CDH12: variants seen among roughly 807,000 people sequenced by gnomAD.
The protein encoded by CDH12 is cadherin 12, also known as cadherin-12.
In CDH12, 41 loss-of-function variants were observed where a neutral mutation model predicts 74.1. The ratio of observed to expected loss-of-function variants is 0.55; its 90% CI spans 0.43 to 0.72. The LOEUF is 0.72. CDH12 is among the 30% of genes least tolerant of loss of function. The pLI is 0.00. For synonymous variants in CDH12, 399 were observed against 355.0 expected (o/e 1.12, Z -1.39); for missense variants, 945 against 977.2 (o/e 0.97, Z 0.44).
At chr5:21,924,265 C>T (rs368397154) in intron 6 of CDH12, among the ~76,000 whole-genome samples, 24 of 152,160 alleles carry the variant, frequency 1.6e-4, no homozygotes, top group African/African-American at 4.3e-4. Context: ...CGGTGGTTCA[C>T]GCCTGTAATC....
chr5:22,095,742 C>G (rs753808085), intron 4 of CDH12, among the ~76,000 whole-genome samples: 2 of 151,578 alleles, frequency 1.3e-5, no homozygotes, highest in Non-Finnish European at 2.9e-5. Context: ...TATTTCCACA[C>G]CCCGACCCCT....
At chr5:22,163,125 C>T (rs1748464639) in intron 4 of CDH12, among the ~76,000 whole-genome samples, 1 of 152,038 alleles carries the variant, frequency 6.6e-6, no homozygotes, top group Non-Finnish European at 1.5e-5. Context: ...TCGTGATCCG[C>T]CCACCTCGGC....
intron 3 of CDH12, among the ~76,000 whole-genome samples, chr5:22,222,214 T>C (rs992923261): frequency 6.6e-6 from 1 of 151,946 alleles, no homozygotes; most frequent in African/African-American, 2.4e-5. Flanking sequence ...CAGAAAAAAC[T>C]CTTTGGGGAA....
chr5:22,715,418 T>A (rs558858980), intron 1 of CDH12, among the ~76,000 whole-genome samples: 3 of 152,342 alleles, frequency 2.0e-5, no homozygotes, highest in Non-Finnish European at 4.4e-5. Flanking sequence ...ACTTGCTCAC[T>A]GATTCATCAG....
intron 11 of CDH12, among the ~76,000 whole-genome samples, chr5:21,765,722 G>A (rs1208458074): frequency 2.0e-5 from 3 of 152,060 alleles, no homozygotes; most frequent in Non-Finnish European, 2.9e-5. Context: ...CTACTTCCTA[G>A]TATCAGAAAG....
At position 22,239,600 on chromosome 5, in the gene CDH12, T is replaced by C. The variant is rs575614720; in HGVS notation, c.-332-26957A>G. On this transcript the variant is annotated intron_variant, in intron 3 of 14. Transcript: ENST00000382254. ...CTAAATAGAGGATAGGTGGATAGAT[T>C]AGACAAATAGATGGATAGAGAGACA... Among the ~76,000 whole-genome samples the C allele has an allele frequency of 2.6e-5, 4 of 152,288 alleles. No individual in the cohort carries two copies. The South Asian group carries it at 6.2e-4, about 24-fold the overall frequency.
At chr5:22,032,630 C>CTGACTT (rs1738892784) in intron 5 of CDH12, among the ~76,000 whole-genome samples, 1 of 151,324 alleles carries the variant, frequency 6.6e-6, no homozygotes, top group African/African-American at 2.4e-5. Flanking sequence ...ATTGCATGAA[C>CTGACTT]CCAGAAGGTG....
chr5:22,193,350 C>G lies in CDH12; in HGVS notation c.-187+19148G>C, dbSNP rs867865439. 5.3e-5 allele frequency among the ~76,000 whole-genome samples: 8 copies of G among 152,156 alleles called. No homozygotes were observed. The South Asian group carries it at 1.7e-3, about 32-fold the overall frequency. ...ACATAACTTTGTTAAAACTAGATTT[C>G]GATGTCGTGTTTTTTGAAGCTATGA... On this transcript the variant is annotated intron_variant, in intron 4 of 14. Transcript: ENST00000382254.
chr5:22,052,146 C>T (rs561882114), intron 5 of CDH12, among the ~76,000 whole-genome samples: 27 of 152,164 alleles, frequency 1.8e-4, no homozygotes, highest in Non-Finnish European at 3.5e-4. Context: ...GCCTTCAGCA[C>T]TTTGTCCTGC....
At chr5:22,080,560 G>T (rs1742656133) in intron 4 of CDH12, among the ~76,000 whole-genome samples, 1 of 151,974 alleles carries the variant, frequency 6.6e-6, no homozygotes, top group Non-Finnish European at 1.5e-5. Context: ...AGTTAGATCT[G>T]CCTTGTCCAA....
chr5:21,884,113 G>A, intron 6 of CDH12: 1 of 1,470,720 alleles, frequency 6.8e-7, no homozygotes, highest in Non-Finnish European at 9.5e-7. Flanking sequence ...GCTATGGTTG[G>A]AGATTTTATG....
intron 6 of CDH12, among the ~76,000 whole-genome samples, chr5:21,935,243 T>C (rs2150084875): frequency 6.6e-6 from 1 of 152,274 alleles, no homozygotes; most frequent in Admixed American, 6.5e-5. Flanking sequence ...ATGGGCTAAT[T>C]TTATATATGC....
chr5:22,833,044 T>C (rs1412529897), intron 1 of CDH12, among the ~76,000 whole-genome samples: 3 of 152,196 alleles, frequency 2.0e-5, no homozygotes, highest in African/African-American at 7.2e-5. Flanking sequence ...CAGTGATGAA[T>C]TTAAGTTTTG....
intron 6 of CDH12, among the ~76,000 whole-genome samples, chr5:21,974,720 C>T (rs1756987771): frequency 6.6e-6 from 1 of 152,118 alleles, no homozygotes; most frequent in Non-Finnish European, 1.5e-5. Flanking sequence ...TTACTTTGAT[C>T]TAGGAATTAC....
intron 5 of CDH12, among the ~76,000 whole-genome samples, chr5:22,003,744 C>G (rs189874039): frequency 6.7e-6 from 1 of 149,520 alleles, no homozygotes; most frequent in African/African-American, 2.5e-5. Context: ...TTCCCCAAGA[C>G]CCATCTTCAT....
chr5:22,275,440 T>G (rs1447235695), intron 3 of CDH12, among the ~76,000 whole-genome samples: 1 of 152,174 alleles, frequency 6.6e-6, no homozygotes, highest in Non-Finnish European at 1.5e-5. Context: ...TCAATCATGT[T>G]ATGAAAATGA....
chr5:22,844,406 G>A (rs905644353), intron 1 of CDH12, among the ~76,000 whole-genome samples: 6 of 152,032 alleles, frequency 3.9e-5, no homozygotes, highest in Admixed American at 2.6e-4. Flanking sequence ...TCACTTTACT[G>A]AAGCAGCCCT....
intron 1 of CDH12, among the ~76,000 whole-genome samples, chr5:22,697,571 CAA>C (rs397997008): frequency 7.8e-5 from 8 of 102,242 alleles, no homozygotes; most frequent in South Asian, 3.8e-4. Context: ...GACTCTGTCT[CAA>C]AAAAAAAAAA....
intron 1 of CDH12, among the ~76,000 whole-genome samples, chr5:22,675,282 G>T (rs1173493602): frequency 6.6e-6 from 1 of 152,144 alleles, no homozygotes; most frequent in Non-Finnish European, 1.5e-5. Flanking sequence ...ATAGAGCTTG[G>T]GCTGTTGCTT....
Sources: allele counts gnomAD v4.1 joint callset (sites outside exome capture counted in the v4.1 genomes callset), GRCh38; gene constraint gnomAD v4.1.1; transcripts MANE v1.5; gene names NCBI Gene and HGNC (gene_info 2026-07-23, HGNC 2026-07-21).